ABCA8: variants seen among roughly 807,000 people sequenced by gnomAD.
ABCA8 encodes ABC-type organic anion transporter ABCA8.
A neutral mutation model predicts 192.3 loss-of-function variants in ABCA8; 177 were observed. The observed-to-expected ratio is 0.92, with a 90% CI of 0.81 to 1.04. The LOEUF (loss-of-function observed/expected upper bound fraction) is 1.04. Ranked by LOEUF, ABCA8 falls within the 50% of genes least tolerant of loss-of-function variation. ABCA8 has a pLI of 0.00. For missense variants in ABCA8, 1,915 were observed against 1,904.8 expected (o/e 1.01, Z -0.10); for synonymous variants, 642 against 690.2 (o/e 0.93, Z 1.09).
At chr17:68,871,193 T>C (rs1258631141) in intron 37 of ABCA8, among the ~76,000 whole-genome samples, 9 of 152,076 alleles carry the variant, frequency 5.9e-5, no homozygotes, top group Non-Finnish European at 1.3e-4. Flanking sequence ...CAGATGGCAT[T>C]ATAGGGTGGG....
At chr17:68,894,347 T>C in intron 22 of ABCA8, 37 bp from the exon 23 acceptor site, 2 of 1,545,686 alleles carry the variant, frequency 1.3e-6, no homozygotes, top group Non-Finnish European at 1.7e-6. Context: ...TTCTCAAATA[T>C]CTTCATTTTG....
At chr17:68,869,575 A>T in intron 38 of ABCA8, 125 bp downstream of exon 38, 1 of 731,070 alleles carries the variant, frequency 1.4e-6, no homozygotes, top group South Asian at 2.0e-5. Context: ...CTAAAATTCA[A>T]TTTGAGACTG....
Position 68,941,994 on chromosome 17 carries a change from G to A in ABCA8, c.41C>T (p.Ala14Val), listed in dbSNP as rs1315578979. The A allele has an allele frequency of 6.2e-7, 1 of 1,612,816 alleles. No homozygotes were observed. Among genetic ancestry groups the A allele is most frequent in the South Asian group, 1.1e-5 (1 of 90,976 alleles). Residue 14 changes from alanine (A) to valine (V), a missense_variant, in exon 3 of 40, where the codon GCC becomes GTC. Physicochemically the swap from Ala to Val is moderately conservative, Grantham distance 64 (BLOSUM62 0). Transcript: ENST00000586539. ...TTTAAGAAAGTTCTTGCATAATAAG[G>A]CCCAAGTTTGTTGACACACACTGAT... ...RKISVCQQTW[A>V]LLCKNFLKKW...
rs201226205 is a variant in ABCA8 at position 68,922,194 on chromosome 17, C to CTTTTTTTTTTTTTTTTTT, written c.1501+30_1501+47dup. The CTTTTTTTTTTTTTTTTTT allele has an allele frequency of 2.5e-5, 13 of 527,440 alleles. 1 individual carries two copies. In the Admixed American group the frequency reaches 2.7e-4, roughly 11 times the overall value. 32.7% of individuals were successfully genotyped at this position (527,440 alleles called of 1,614,324 possible). ...TAACAAATATTTTCTTTCTCTCTCTCTTTTTTTTTTTTTTTTTTTTTTTTT... is the reference window on the plus strand; with the variant it reads ...TAACAAATATTTTCTTTCTCTCTCTCTTTTTTTTTTTTTTTTTTTTTTTTTTTTTTTTTTTTTTTTTTT... On this transcript the variant is annotated intron_variant, in intron 12 of 39. Coordinates refer to ENST00000586539, the MANE Select transcript of ABCA8 (RefSeq NM_001288985.2).
At position 68,929,035 on chromosome 17, in the gene ABCA8, A is replaced by G. The variant is rs1426847208; in HGVS notation, c.1125+14T>C. 6.8e-7 allele frequency: 1 copy of G among 1,462,014 alleles called. No homozygotes were observed. The highest frequency in any genetic ancestry group is 9.1e-7 in the Non-Finnish European group (1 of 1,098,028). 90.6% of individuals were successfully genotyped at this position (1,462,014 alleles called of 1,614,324 possible). On this transcript the variant is annotated intron_variant, in intron 9 of 39. Coordinates refer to ENST00000586539, the MANE Select transcript of ABCA8 (RefSeq NM_001288985.2). ...TCAGAAATGCCATTAATAGACATTC[A>G]GATGGCATCTCACCTGGGCCATTCC...
rs1383796914 is a variant in ABCA8 at position 68,924,540 on chromosome 17, AG to A, written c.1442+160del. Among the ~76,000 whole-genome samples, 5 of 152,126 alleles carry A rather than the reference AG, an allele frequency of 3.3e-5. No homozygotes were observed. In the South Asian group the frequency reaches 1.0e-3, roughly 31 times the overall value. On this transcript the variant is annotated intron_variant, in intron 11 of 39. Coordinates refer to ENST00000586539, the MANE Select transcript of ABCA8 (RefSeq NM_001288985.2). ...ATGTTAGGCTGTAAGGGGTTGGTAA[AG>A]GGATCTTTCTTTGAACTTGAGATGG...
At chr17:68,913,452 T>A (rs2067272763) in intron 17 of ABCA8, among the ~76,000 whole-genome samples, 1 of 150,196 alleles carries the variant, frequency 6.7e-6, no homozygotes, top group East Asian at 2.0e-4. Context: ...AGTTGAAAAA[T>A]TTGAAAAGTT....
intron 19 of ABCA8, among the ~76,000 whole-genome samples, chr17:68,904,966 G>A (rs1038086238): frequency 6.6e-6 from 1 of 152,124 alleles, no homozygotes; most frequent in African/African-American, 2.4e-5. Flanking sequence ...TTGATAGCAG[G>A]GCTATAGAGA....
At chr17:68,955,084 T>C (rs1350480050) in intron 1 of ABCA8, 135 bp downstream of exon 1, 2 of 152,226 alleles carry the variant, frequency 1.3e-5, no homozygotes, top group Non-Finnish European at 2.9e-5. Context: ...AATTTCTGCA[T>C]AGATGATTGT....
intron 21 of ABCA8, among the ~76,000 whole-genome samples, chr17:68,900,538 CAA>C (rs35696026): frequency 0.035 from 3,765 of 108,920 alleles, 90 homozygotes; most frequent in African/African-American, 0.095. Context: ...CACAAAGTCT[CAA>C]AAAAAAAAAA....
Position 68,901,241 on chromosome 17 carries a change from A to G in ABCA8, c.2764+1472T>C, listed in dbSNP as rs113295217. ...TTCTTAGATACAGAATCTGAATATGAGCACCTACTGTATCTGATAAAAGAA... is the reference window on the plus strand; with the variant it reads ...TTCTTAGATACAGAATCTGAATATGGGCACCTACTGTATCTGATAAAAGAA... On this transcript the variant is annotated intron_variant, in intron 21 of 39. Transcript: ENST00000586539. Among the ~76,000 whole-genome samples the G allele has an allele frequency of 7.7e-3, 1,175 of 152,164 alleles. 17 individuals carry two copies. The highest frequency in any genetic ancestry group is 0.027 in the African/African-American group (1,121 of 41,526).
intron 2 of ABCA8, among the ~76,000 whole-genome samples, chr17:68,946,773 T>A (rs1400672116): frequency 6.6e-6 from 1 of 151,980 alleles, no homozygotes; most frequent in Non-Finnish European, 1.5e-5. Context: ...ACCCTGTCCC[T>A]ACTAAAAATA....
At chr17:68,896,468 T>C (rs946095060) in intron 21 of ABCA8, among the ~76,000 whole-genome samples, 2 of 152,192 alleles carry the variant, frequency 1.3e-5, no homozygotes, top group African/African-American at 4.8e-5. Flanking sequence ...GAAATAAACA[T>C]TGTATAAGTT....
chr17:68,931,642 T>G (rs532500880), intron 7 of ABCA8: 21 of 152,246 alleles, frequency 1.4e-4, no homozygotes, highest in African/African-American at 5.1e-4. Context: ...AGCAGTTCCT[T>G]CACAGTACAG....
At position 68,924,812 on chromosome 17, in the gene ABCA8, T is replaced by G. The variant is rs780700539; in HGVS notation, c.1331A>C (p.Gln444Pro). The change falls in exon 11 of 40, where the codon CAA becomes CCA. Residue 444 changes from glutamine (Q) to proline (P), a missense_variant. Transcript: ENST00000586539. ...LFFLKSSFWS[Q>P]TQKTDHVALE... The stretch of plus-strand genomic sequence containing the variant: ...GGCCACGTGATCAGTCTTTTGTGTT[T>G]GAGACCAAAATGAGGACTTCAGGAA... 2.5e-6 allele frequency: 4 copies of G among 1,614,160 alleles called. No individual in the cohort carries two copies. The Admixed American group carries it at 6.7e-5, about 27-fold the overall frequency.
Position 68,940,825 on chromosome 17 carries a change from T to C in ABCA8, c.234A>G (p.Val78=). The part of the protein sequence containing the change: ...DTFNESRFSV[V]YTPVTNTTQQ... ...GGGTCGTGTTGGTGACAGGTGTGTA[T>C]ACAACAGAAAATCTGGATTCATTAA... Residue 78 remains valine (V), a synonymous_variant, in exon 4 of 40, where the codon GTA becomes GTG. Coordinates refer to ENST00000586539, the MANE Select transcript of ABCA8 (RefSeq NM_001288985.2). The C allele has an allele frequency of 6.2e-7, 1 of 1,613,622 alleles. No individual in the cohort carries two copies. Among genetic ancestry groups the C allele is most frequent in the Non-Finnish European group, 8.5e-7 (1 of 1,179,632 alleles).
At chr17:68,899,054 G>A (rs539343382) in intron 21 of ABCA8, among the ~76,000 whole-genome samples, 1 of 151,522 alleles carries the variant, frequency 6.6e-6, no homozygotes, top group South Asian at 2.1e-4. Context: ...GTACATTCTA[G>A]GCCCAAAAAC....
At position 68,907,985 on chromosome 17, in the gene ABCA8, C is replaced by T. The variant is rs911753590; in HGVS notation, c.2139-106G>A. The T allele has an allele frequency of 6.4e-6, 7 of 1,085,936 alleles. No individual in the cohort carries two copies. In the Admixed American group the frequency reaches 1.5e-4, roughly 24 times the overall value. The allele number at this position is 1,085,936 out of a possible 1,614,324, so 67.3% of individuals were successfully genotyped here. A position where few individuals can be genotyped will look rare whatever the true frequency, so the allele number is the denominator to read the frequency against. On this transcript the variant is annotated intron_variant, in intron 17 of 39. Transcript: ENST00000586539. ...TAGGACAAAGAAAATCAATTAAAAT[C>T]TAATGCCAGAAATAGGTCAGACAAA... is the stretch of plus-strand genomic sequence containing the variant.
At chr17:68,877,770 A>T in intron 32 of ABCA8, 91 bp from the exon 33 acceptor site, 1 of 1,350,798 alleles carries the variant, frequency 7.4e-7, no homozygotes, top group South Asian at 1.6e-5. Flanking sequence ...ACCTAGAAAA[A>T]CTAGAGAAAC....
Sources: gnomAD v4.1 joint callset for allele counts (sites outside exome capture counted in the v4.1 genomes callset) on GRCh38, gnomAD v4.1.1 for gene constraint, MANE v1.5 for transcripts, NCBI Gene and HGNC (gene_info 2026-07-23, HGNC 2026-07-21) for gene names.